The following AP3D1 variants were observed in gnomAD, a reference collection of about 807,000 sequenced individuals.
The protein encoded by AP3D1 is adaptor related protein complex 3 subunit delta 1.
A neutral mutation model predicts 147.6 loss-of-function variants in AP3D1; 51 were observed. The observed-to-expected ratio is 0.35, with a 90% CI of 0.28 to 0.44. AP3D1 has a LOEUF of 0.44. Among genes scored for constraint, AP3D1 ranks in the 20% least tolerant of loss-of-function variants. The pLI is 1.00. For missense variants in AP3D1, 1,421 were observed against 1,624.2 expected, an observed-to-expected ratio of 0.87 and a Z score of 2.15; for synonymous variants, 760 against 663.0, an observed-to-expected ratio of 1.15 and a Z score of -2.25.
At chr19:2,131,134 A>C (rs887156302) in intron 5 of AP3D1, among the ~76,000 whole-genome samples, 1 of 152,108 alleles carries the variant, frequency 6.6e-6, no homozygotes, top group Non-Finnish European at 1.5e-5. Flanking sequence ...GCCACCAGAG[A>C]CAACACAACA....
chr19:2,124,735 G>A (rs181523684), intron 9 of AP3D1, among the ~76,000 whole-genome samples: 13 of 152,338 alleles, frequency 8.5e-5, no homozygotes, highest in African/African-American at 2.6e-4. Context: ...GAGGTCAGGA[G>A]TTCAAGACCA....
intron 9 of AP3D1, among the ~76,000 whole-genome samples, chr19:2,124,315 C>T (rs1290437845): frequency 6.6e-6 from 1 of 152,228 alleles, no homozygotes; most frequent in Non-Finnish European, 1.5e-5. Flanking sequence ...GCACATCCGG[C>T]AGGACTCCAC....
At chr19:2,134,485 C>A (rs2019027668) in intron 4 of AP3D1, among the ~76,000 whole-genome samples, 1 of 150,512 alleles carries the variant, frequency 6.6e-6, no homozygotes, top group South Asian at 2.1e-4. Flanking sequence ...GCCTTTAATT[C>A]CAGCACTTTG....
chr19:2,150,695 C>T (rs2019483014), intron 1 of AP3D1, among the ~76,000 whole-genome samples: 1 of 152,208 alleles, frequency 6.6e-6, no homozygotes, highest in African/African-American at 2.4e-5. Flanking sequence ...ATTTACACGA[C>T]CCAGAAGGAA....
chr19:2,160,245 A>G (rs532560380), intron 1 of AP3D1, among the ~76,000 whole-genome samples: 19 of 152,156 alleles, frequency 1.2e-4, no homozygotes, highest in Non-Finnish European at 2.4e-4. Flanking sequence ...AAGTGGGAGG[A>G]GGCCAGGTGT....
At chr19:2,137,853 G>A (rs201652009) in intron 2 of AP3D1, 46 bp from the exon 3 acceptor site, 529 of 1,594,040 alleles carry the variant, frequency 3.3e-4, no homozygotes, top group Non-Finnish European at 4.3e-4. Context: ...CCAAAGCAGA[G>A]AGAAAGGTTT....
chr19:2,137,712 G>A lies in AP3D1; in HGVS notation c.273+15C>T, dbSNP rs768859730. The A allele has an allele frequency of 3.5e-5, 56 of 1,612,418 alleles. No individual in the cohort carries two copies. The highest frequency in any genetic ancestry group is 4.4e-5 in the Non-Finnish European group (52 of 1,178,954). ...CACTCCCCACCCCACCAGCCTTGCC[G>A]TCCCAGAACCTCACCTTGAAGGTGA... is the stretch of plus-strand genomic sequence containing the variant. On this transcript the variant is annotated intron_variant, in intron 3 of 31. Transcript: ENST00000643116.
chr19:2,130,367 C>G (rs1226113345), intron 6 of AP3D1, 41 bp downstream of exon 6: 1 of 1,612,142 alleles, frequency 6.2e-7, no homozygotes, highest in Non-Finnish European at 8.5e-7. Flanking sequence ...ACCGGCTGAG[C>G]CCCCACCCTC....
At chr19:2,114,390 G>GGTCCCGCACTGCCACA in intron 21 of AP3D1, 88 bp from the exon 22 acceptor site, 1 of 1,127,900 alleles carries the variant, frequency 8.9e-7, no homozygotes, top group Non-Finnish European at 1.3e-6. Context: ...GCATGTGGCA[G>GGTCCCGCACTGCCACA]TGCGGGACCT....
chr19:2,141,719 C>A (rs1412549374), intron 1 of AP3D1, among the ~76,000 whole-genome samples: 1 of 151,362 alleles, frequency 6.6e-6, no homozygotes, highest in East Asian at 1.9e-4. Flanking sequence ...GGATTACAGG[C>A]GTGAGCCACC....
intron 1 of AP3D1, among the ~76,000 whole-genome samples, chr19:2,149,906 A>G (rs1164105497): frequency 1.3e-5 from 2 of 152,256 alleles, no homozygotes; most frequent in Non-Finnish European, 2.9e-5. Context: ...CGATGCTTTC[A>G]ACTCACAAAG....
At chr19:2,142,124 TCTC>T (rs1368530868) in intron 1 of AP3D1, among the ~76,000 whole-genome samples, 2 of 151,730 alleles carry the variant, frequency 1.3e-5, no homozygotes, top group Admixed American at 6.6e-5. Flanking sequence ...TTCAAGCAAT[TCTC>T]CTGCCTCAGC....
At position 2,136,059 on chromosome 19, in the gene AP3D1, G is replaced by A. The variant is rs988950271; in HGVS notation, c.354+952C>T. On this transcript the variant is annotated intron_variant, in intron 4 of 31. Transcript: ENST00000643116. Reference sequence around the variant, plus strand: ...CCCGCCCAGGCCCCTCCCGCTACACGGCCACGACCCAAGAAGACTCCCGCC... The same window carrying A: ...CCCGCCCAGGCCCCTCCCGCTACACAGCCACGACCCAAGAAGACTCCCGCC... Among the ~76,000 whole-genome samples, 4 of 151,438 alleles carry A rather than the reference G, an allele frequency of 2.6e-5. 1 individual carries two copies. The highest frequency in any genetic ancestry group is 7.3e-5 in the African/African-American group (3 of 41,080).
chr19:2,130,586 C>T, intron 5 of AP3D1, 49 bp from the exon 6 acceptor site: 1 of 1,604,866 alleles, frequency 6.2e-7, no homozygotes, highest in African/African-American at 1.3e-5. Flanking sequence ...CGCCTCATCC[C>T]TGCTCTCGCC....
chr19:2,106,710 G>T (rs150511295), intron 31 of AP3D1, among the ~76,000 whole-genome samples: 1 of 152,164 alleles, frequency 6.6e-6, no homozygotes, highest in Non-Finnish European at 1.5e-5. Context: ...AACAAAATAT[G>T]ATTCTGCTGT....
chr19:2,153,098 G>C (rs2019594405), upstream of AP3D1, among the ~76,000 whole-genome samples: 2 of 151,268 alleles, frequency 1.3e-5, no homozygotes, highest in Admixed American at 1.3e-4. Flanking sequence ...GGGAGGATGG[G>C]CGCAGTGGTT....
intron 1 of AP3D1, among the ~76,000 whole-genome samples, chr19:2,139,534 C>T (rs921898968): frequency 7.9e-5 from 12 of 152,186 alleles, no homozygotes; most frequent in African/African-American, 1.7e-4. Flanking sequence ...GACAGGCAGA[C>T]GTGAGGCGCC....
intron 25 of AP3D1, 172 bp downstream of exon 25, chr19:2,111,507 G>T: frequency 2.0e-5 from 24 of 1,194,660 alleles, no homozygotes; most frequent in Non-Finnish European, 2.8e-5. Flanking sequence ...AGCCCACCAC[G>T]GGGGTGCCTA....
Position 2,108,723 on chromosome 19 carries a change from G to A in AP3D1, c.3516C>T (p.Ser1172=), listed in dbSNP as rs767309496. The A allele has an allele frequency of 6.3e-7, 1 of 1,584,320 alleles. No homozygotes were observed. The highest frequency in any genetic ancestry group is 1.2e-5 in the South Asian group (1 of 86,382). The change falls in exon 31 of 32, where the codon TCC becomes TCT. Residue 1172 remains serine, a synonymous_variant. Transcript: ENST00000643116. ...GGAGGCAGACATGGTGGCCCTGGAT[G>A]GAGCGGCTGTACATGGAGGCGCAGG... The part of the protein sequence containing the change: ...VDSCASMYSR[S]IQGHHVCLLV...
Sources: allele counts gnomAD v4.1 joint callset (sites outside exome capture counted in the v4.1 genomes callset), GRCh38; gene constraint gnomAD v4.1.1; transcripts MANE v1.5; gene names NCBI Gene and HGNC (gene_info 2026-07-23, HGNC 2026-07-21).